The following PACRG variants were observed in gnomAD, a reference collection of about 807,000 sequenced individuals.
The protein encoded by PACRG is parkin coregulated, also known as parkin coregulated gene protein.
Under a neutral mutation model 29.7 loss-of-function variants are expected in PACRG, and 29 were observed. The ratio of observed to expected loss-of-function variants is 0.98; its 90% confidence interval spans 0.73 to 1.33. The LOEUF is 1.33. PACRG is among the 40% of genes most tolerant of loss of function. The pLI, the probability that PACRG is intolerant of heterozygous loss-of-function variation, is 0.00. For missense variants in PACRG, 279 were observed against 316.2 expected, an observed-to-expected ratio of 0.88 and a Z score of 0.89; for synonymous variants, 116 against 118.7, an observed-to-expected ratio of 0.98 and a Z score of 0.15.
intron 4 of PACRG, chr6:163,184,717 G>A (rs189086188): frequency 2.6e-5 from 4 of 152,240 alleles, no homozygotes; most frequent in East Asian, 3.9e-4. Context: ...CGCACTGCAC[G>A]AGAAAGGTTA....
At chr6:162,994,919 GGT>G (rs976909771) in intron 2 of PACRG, among the ~76,000 whole-genome samples, 1 of 147,768 alleles carries the variant, frequency 6.8e-6, no homozygotes, top group Non-Finnish European at 1.5e-5. Flanking sequence ...ATGGGTTTTC[GGT>G]GTGGATGTCC....
intron 4 of PACRG, among the ~76,000 whole-genome samples, chr6:163,199,552 G>A (rs1780612072): frequency 6.6e-6 from 1 of 152,206 alleles, no homozygotes; most frequent in African/African-American, 2.4e-5. Context: ...GCAGGAAAGA[G>A]CTGATCCCAG....
intron 4 of PACRG, among the ~76,000 whole-genome samples, chr6:163,219,124 C>T (rs112974115): frequency 5.3e-5 from 8 of 152,254 alleles, no homozygotes; most frequent in South Asian, 2.1e-4. Context: ...TATGTCCAAC[C>T]GCCGCCTCAC....
intron 1 of PACRG, among the ~76,000 whole-genome samples, chr6:162,765,332 T>C (rs1336916454): frequency 2.0e-5 from 3 of 152,032 alleles, no homozygotes; most frequent in East Asian, 3.9e-4. Flanking sequence ...CTTGAAAACA[T>C]TTTACTCTAC....
intron 2 of PACRG, among the ~76,000 whole-genome samples, chr6:163,042,405 A>C (rs1429069003): frequency 6.6e-6 from 1 of 152,194 alleles, no homozygotes; most frequent in Non-Finnish European, 1.5e-5. Flanking sequence ...CCATTTCCAC[A>C]AATTGTCTAA....
At chr6:163,243,451 A>G (rs915612502) in intron 4 of PACRG, among the ~76,000 whole-genome samples, 1 of 152,166 alleles carries the variant, frequency 6.6e-6, no homozygotes, top group Non-Finnish European at 1.5e-5. Flanking sequence ...TGGGGTTTTC[A>G]TTAAGGACAT....
chr6:162,879,009 A>G (rs1793605552), intron 2 of PACRG, among the ~76,000 whole-genome samples: 1 of 152,196 alleles, frequency 6.6e-6, no homozygotes, highest in Non-Finnish European at 1.5e-5. Context: ...TGTAATATGT[A>G]TTGTAATTGC....
At chr6:162,998,466 A>G (rs568496966) in intron 2 of PACRG, among the ~76,000 whole-genome samples, 157 of 152,324 alleles carry the variant, frequency 1.0e-3, no homozygotes, top group African/African-American at 3.5e-3. Context: ...TTGTTCTGCA[A>G]TGTTTCTGCA....
intron 2 of PACRG, among the ~76,000 whole-genome samples, chr6:162,924,137 T>G (rs1011664887): frequency 6.6e-6 from 1 of 152,094 alleles, no homozygotes; most frequent in African/African-American, 2.4e-5. Flanking sequence ...ATTATGTTAT[T>G]TTTGTATAAC....
At chr6:163,271,604 TAG>T (rs1783834680) in intron 4 of PACRG, among the ~76,000 whole-genome samples, 2 of 152,196 alleles carry the variant, frequency 1.3e-5, no homozygotes, top group Non-Finnish European at 2.9e-5. Flanking sequence ...ACTTATTAAA[TAG>T]TTCATGTTTT....
At chr6:162,884,617 A>C (rs1436873528) in intron 2 of PACRG, among the ~76,000 whole-genome samples, 1 of 152,234 alleles carries the variant, frequency 6.6e-6, no homozygotes, top group African/African-American at 2.4e-5. Flanking sequence ...CTACTTCATG[A>C]ATTTTAGTTA....
chr6:163,016,005 C>A (rs571807651), intron 2 of PACRG, among the ~76,000 whole-genome samples: 10 of 152,218 alleles, frequency 6.6e-5, no homozygotes, highest in African/African-American at 2.2e-4. Context: ...TGTTTATTTT[C>A]TTTTTCTCTG....
chr6:163,314,043 G>A (rs1375458217), intron 4 of PACRG, among the ~76,000 whole-genome samples: 2 of 152,148 alleles, frequency 1.3e-5, no homozygotes, highest in Non-Finnish European at 2.9e-5. Context: ...GTAGAGGAGA[G>A]GCTCTTAGCC....
intron 2 of PACRG, chr6:163,052,131 T>C (rs767121845): frequency 5.3e-5 from 8 of 152,152 alleles, no homozygotes; most frequent in East Asian, 3.9e-4. Context: ...AAATATATTA[T>C]ATATATTTTC....
At chr6:163,103,814 T>G (rs1015735267) in intron 4 of PACRG, among the ~76,000 whole-genome samples, 3 of 152,224 alleles carry the variant, frequency 2.0e-5, no homozygotes, top group Non-Finnish European at 2.9e-5. Context: ...CTCGACACTG[T>G]ATTATTTTTG....
chr6:162,758,570 A>G (rs1231849573), intron 1 of PACRG, among the ~76,000 whole-genome samples: 1 of 152,178 alleles, frequency 6.6e-6, no homozygotes, highest in Non-Finnish European at 1.5e-5. Context: ...TGTTGTGCAT[A>G]TTCAGAAGCA....
intron 3 of PACRG, among the ~76,000 whole-genome samples, chr6:163,086,440 C>T (rs912513380): frequency 2.0e-5 from 3 of 152,164 alleles, no homozygotes; most frequent in African/African-American, 7.2e-5. Context: ...CTAACTGCTG[C>T]TGTAATGAGC....
chr6:162,816,131 T>C (rs548825020), intron 2 of PACRG, among the ~76,000 whole-genome samples: 38 of 152,240 alleles, frequency 2.5e-4, no homozygotes, highest in Non-Finnish European at 4.3e-4. Context: ...TTTTTATGGA[T>C]ATATTAATTC....
chr6:163,103,259 G>A (rs1278659967), intron 4 of PACRG, among the ~76,000 whole-genome samples: 1 of 152,198 alleles, frequency 6.6e-6, no homozygotes, highest in Admixed American at 6.5e-5. Context: ...CAGTTCTAAT[G>A]GTTGCAGGAC....
Sources: gnomAD v4.1 joint callset for allele counts (sites outside exome capture counted in the v4.1 genomes callset) on GRCh38, gnomAD v4.1.1 for gene constraint, MANE v1.5 for transcripts, NCBI Gene and HGNC (gene_info 2026-07-23, HGNC 2026-07-21) for gene names.